The following HIPK3 variants were observed in gnomAD, a reference collection of about 807,000 sequenced individuals.
HIPK3 encodes the protein homeodomain interacting protein kinase 3.
A neutral mutation model predicts 124.2 loss-of-function variants in HIPK3; 47 were observed. The observed-to-expected ratio is 0.38, with a 90% CI of 0.30 to 0.48. The LOEUF (loss-of-function observed/expected upper bound fraction) is 0.48. HIPK3 is among the 20% of genes least tolerant of loss of function. The pLI is 0.98. For synonymous variants in HIPK3, 482 were observed against 515.2 expected (o/e 0.94, Z 0.87); for missense variants, 1,286 against 1,454.3 (o/e 0.88, Z 1.88).
At chr11:33,335,283 G>A (rs1262551781) in intron 3 of HIPK3, among the ~76,000 whole-genome samples, 1 of 152,054 alleles carries the variant, frequency 6.6e-6, no homozygotes, top group African/African-American at 2.4e-5. Context: ...CTTAGGACTT[G>A]TAGAGGGAAA....
intron 8 of HIPK3, among the ~76,000 whole-genome samples, chr11:33,345,210 A>T (rs1853456565): frequency 6.6e-6 from 1 of 152,088 alleles, no homozygotes; most frequent in Non-Finnish European, 1.5e-5. Context: ...TTAACATCTG[A>T]GTGTTTTATA....
intron 1 of HIPK3, among the ~76,000 whole-genome samples, chr11:33,285,902 G>T (rs938168897): frequency 4.6e-5 from 7 of 152,112 alleles, no homozygotes; most frequent in South Asian, 2.1e-4. Context: ...CTCCCGAGTA[G>T]CTGGGACCAC....
chr11:33,343,826 T>C (rs1853416206), intron 8 of HIPK3, among the ~76,000 whole-genome samples: 1 of 152,154 alleles, frequency 6.6e-6, no homozygotes, highest in South Asian at 2.1e-4. Flanking sequence ...ATAGAAAGTA[T>C]AATAAAAGGG....
intron 14 of HIPK3, among the ~76,000 whole-genome samples, chr11:33,350,793 T>C (rs1295976192): frequency 6.6e-6 from 1 of 152,208 alleles, no homozygotes; most frequent in African/African-American, 2.4e-5. Context: ...TTAGGAAATA[T>C]GATATTGCAT....
intron 2 of HIPK3, among the ~76,000 whole-genome samples, chr11:33,304,370 G>A (rs1012229038): frequency 1.8e-4 from 28 of 152,208 alleles, no homozygotes; most frequent in Admixed American, 6.5e-4. Context: ...CCAACCTGAC[G>A]AACATGGAGA....
At chr11:33,320,789 G>A (rs1006170808) in intron 2 of HIPK3, among the ~76,000 whole-genome samples, 1 of 152,198 alleles carries the variant, frequency 6.6e-6, no homozygotes. Flanking sequence ...TGAGAGAAGT[G>A]AGTTTGGGGG....
intron 1 of HIPK3, among the ~76,000 whole-genome samples, chr11:33,262,599 A>C (rs1565050705): frequency 6.6e-6 from 1 of 152,184 alleles, no homozygotes; most frequent in Non-Finnish European, 1.5e-5. Flanking sequence ...TGTGGTTTGG[A>C]GACAGTTAAG....
At chr11:33,295,785 G>A (rs1415862356) in intron 2 of HIPK3, among the ~76,000 whole-genome samples, 2 of 152,206 alleles carry the variant, frequency 1.3e-5, no homozygotes, top group African/African-American at 2.4e-5. Context: ...GGCGCATGAT[G>A]TCAATTTGTC....
At chr11:33,294,134 A>G (rs1312094011) in intron 2 of HIPK3, among the ~76,000 whole-genome samples, 2 of 147,028 alleles carry the variant, frequency 1.4e-5, no homozygotes, top group Non-Finnish European at 3.0e-5. Context: ...AGCCTGGGCA[A>G]CAGAGCGAGA....
At chr11:33,295,692 G>C (rs1851825904) in intron 2 of HIPK3, among the ~76,000 whole-genome samples, 1 of 152,170 alleles carries the variant, frequency 6.6e-6, no homozygotes, top group South Asian at 2.1e-4. Context: ...GCTTATGGCT[G>C]ATGTTTTCTC....
At chr11:33,329,401 A>T (rs1398844147) in intron 3 of HIPK3, among the ~76,000 whole-genome samples, 1 of 152,210 alleles carries the variant, frequency 6.6e-6, no homozygotes, top group East Asian at 1.9e-4. Flanking sequence ...ATTTTTATTT[A>T]GATGATATTT....
chr11:33,266,165 C>T (rs1850958524), intron 1 of HIPK3, among the ~76,000 whole-genome samples: 1 of 151,138 alleles, frequency 6.6e-6, no homozygotes, highest in Non-Finnish European at 1.5e-5. Flanking sequence ...ACACGTGGTC[C>T]CAGCTTTGAG....
In HIPK3 at chr11:33,273,536, A is replaced by AG. The variant is rs1298144979; in HGVS notation, c.-2-12877_-2-12876insG. Among the ~76,000 whole-genome samples the AG allele has an allele frequency of 5.0e-3, 743 of 150,096 alleles. 11 individuals are homozygous for AG. Among genetic ancestry groups the AG allele is most frequent in the Non-Finnish European group, 8.9e-3 (599 of 67,178 alleles). On this transcript the variant is annotated intron_variant, in intron 1 of 16. Transcript: ENST00000303296. ...ACAAAAAAAAAAAAAAAAAAAAAAAAAAGAAGATTTTGGACAATACTTTGC... is the reference window on the plus strand; with the variant it reads ...ACAAAAAAAAAAAAAAAAAAAAAAAAGAAGAAGATTTTGGACAATACTTTGC...
At chr11:33,281,587 T>C (rs1304987119) in intron 1 of HIPK3, among the ~76,000 whole-genome samples, 1 of 152,234 alleles carries the variant, frequency 6.6e-6, no homozygotes, top group Non-Finnish European at 1.5e-5. Context: ...TTGCTGCCAG[T>C]ATTGTTACTC....
At chr11:33,265,772 CAAAAAA>C (rs55837408) in intron 1 of HIPK3, among the ~76,000 whole-genome samples, 10 of 64,770 alleles carry the variant, frequency 1.5e-4, no homozygotes, top group African/African-American at 5.9e-4. Flanking sequence ...GACCTTGTCT[CAAAAAA>C]AAAAAAAAAA....
intron 14 of HIPK3, among the ~76,000 whole-genome samples, chr11:33,350,813 C>T (rs1309190235): frequency 6.6e-6 from 1 of 151,860 alleles, no homozygotes; most frequent in East Asian, 1.9e-4. Context: ...TTCTTATAGC[C>T]AAAGCTCTAT....
At chr11:33,331,311 T>C (rs1169332298) in intron 3 of HIPK3, among the ~76,000 whole-genome samples, 2 of 152,214 alleles carry the variant, frequency 1.3e-5, no homozygotes, top group Non-Finnish European at 2.9e-5. Context: ...GGTATGTCTC[T>C]CTCTATTATC....
chr11:33,282,961 A>G (rs1007192937), intron 1 of HIPK3, among the ~76,000 whole-genome samples: 3 of 152,166 alleles, frequency 2.0e-5, no homozygotes, highest in Non-Finnish European at 4.4e-5. Context: ...AAGTGCCTTA[A>G]TGGATGAGTT....
intron 4 of HIPK3, 99 bp downstream of exon 4, chr11:33,337,293 T>G (rs1590183591): frequency 5.1e-6 from 3 of 584,894 alleles, no homozygotes; most frequent in Non-Finnish European, 7.8e-6. Context: ...TTTACTATAT[T>G]TCTTCCTTTT....
Sources: allele counts gnomAD v4.1 joint callset (sites outside exome capture counted in the v4.1 genomes callset), GRCh38; gene constraint gnomAD v4.1.1; transcripts MANE v1.5; gene names NCBI Gene and HGNC (gene_info 2026-07-23, HGNC 2026-07-21).